Variants in GPR107 observed in about 807,000 individuals in gnomAD.
The protein encoded by GPR107 is G protein-coupled receptor 107.
A neutral mutation model predicts 75.5 loss-of-function variants in GPR107; 31 were observed. That is an observed-to-expected ratio of 0.41 (90% CI 0.31 to 0.55). The LOEUF (loss-of-function observed/expected upper bound fraction) is 0.55, where lower values mean the gene tolerates loss of function less well. GPR107 is among the 20% of genes least tolerant of loss of function. GPR107 has a pLI of 0.26. For synonymous variants in GPR107, 267 were observed against 251.3 expected, an observed-to-expected ratio of 1.06 and a Z score of -0.59; for missense variants, 572 against 665.7, an observed-to-expected ratio of 0.86 and a Z score of 1.55.
At chr9:130,087,483 A>G (rs555988755) in intron 7 of GPR107, among the ~76,000 whole-genome samples, 54 of 152,076 alleles carry the variant, frequency 3.6e-4, no homozygotes, top group African/African-American at 1.2e-3. Flanking sequence ...AGCCTGGGCA[A>G]CATGGTGAAA....
chr9:130,076,490 A>G (rs746972038), intron 3 of GPR107, 28 bp downstream of exon 3: 1 of 1,388,766 alleles, frequency 7.2e-7, no homozygotes, highest in South Asian at 1.2e-5. Flanking sequence ...GACCTGATTC[A>G]TCTCTTCACC....
At position 130,105,420 on chromosome 9, in the gene GPR107, AT is replaced by A. The variant is rs568675748; in HGVS notation, c.1262+878del. 8.2e-3 allele frequency among the ~76,000 whole-genome samples: 1,238 copies of A among 151,606 alleles called. 26 individuals carry two copies. Among genetic ancestry groups the A allele is most frequent in the African/African-American group, 0.029 (1,182 of 41,324 alleles). On this transcript the variant is annotated intron_variant, in intron 13 of 17. Transcript: ENST00000347136. ...AGGTGCGTGTCACCATGCCTGGCTA[AT>A]TTTTTTTGTATTTTTAGTAGAGACA...
rs1248349604 is a variant in GPR107 at position 130,085,691 on chromosome 9, A to G, written c.565-729A>G. ...CAGCATAATTACTTTGAGTTCATCC[A>G]CATTGTTGCATGTATCATTTCTTTT... is the stretch of plus-strand genomic sequence containing the variant. On this transcript the variant is annotated intron_variant, in intron 6 of 17. Transcript: ENST00000347136. Among the ~76,000 whole-genome samples, 9 of 141,546 alleles carry G rather than the reference A, an allele frequency of 6.4e-5. No individual in the cohort carries two copies. In the Admixed American group the frequency reaches 6.6e-4, roughly 10 times the overall value. The allele number at this position is 141,546 out of a possible 152,430, so 92.9% of individuals were successfully genotyped here. A position where few individuals can be genotyped will look rare whatever the true frequency, so the allele number is the denominator to read the frequency against.
intron 9 of GPR107, 41 bp downstream of exon 9, chr9:130,092,422 T>G (rs1246778556): frequency 6.4e-7 from 1 of 1,559,506 alleles, no homozygotes; most frequent in Non-Finnish European, 8.8e-7. Flanking sequence ...GTGTTGAGAT[T>G]TGAATAATGT....
intron 17 of GPR107, among the ~76,000 whole-genome samples, chr9:130,131,400 C>T (rs967250310): frequency 6.6e-6 from 1 of 152,096 alleles, no homozygotes; most frequent in Non-Finnish European, 1.5e-5. Flanking sequence ...TCTTCCTCTC[C>T]TTGAGTTCAC....
intron 1 of GPR107, among the ~76,000 whole-genome samples, chr9:130,065,975 T>TC (rs60723409): frequency 0.58 from 87,797 of 151,192 alleles, 25,588 homozygotes; most frequent in East Asian, 0.81. Context: ...ATTTATTCAC[T>TC]CCCCCCCAAA....
At chr9:130,095,924 G>A (rs578130908) in intron 9 of GPR107, among the ~76,000 whole-genome samples, 3 of 152,158 alleles carry the variant, frequency 2.0e-5, no homozygotes, top group East Asian at 1.9e-4. Context: ...AGCTGGAAAC[G>A]ACTAAGAGAT....
intron 14 of GPR107, among the ~76,000 whole-genome samples, chr9:130,116,002 T>C (rs779898601): frequency 6.6e-6 from 1 of 152,254 alleles, no homozygotes; most frequent in African/African-American, 2.4e-5. Flanking sequence ...GATTGCACTC[T>C]ATTCCTGTAA....
At chr9:130,131,183 G>C (rs1431911234) in intron 17 of GPR107, among the ~76,000 whole-genome samples, 1 of 152,190 alleles carries the variant, frequency 6.6e-6, no homozygotes, top group Non-Finnish European at 1.5e-5. Flanking sequence ...CTGCCAGGGA[G>C]GCTTTTGGGT....
chr9:130,115,560 A>T (rs1423354170), intron 14 of GPR107, among the ~76,000 whole-genome samples: 1 of 151,726 alleles, frequency 6.6e-6, no homozygotes, highest in Admixed American at 6.6e-5. Context: ...AGGCCAGGAG[A>T]TCGAGACCAT....
chr9:130,071,606 C>A (rs1478945391), intron 1 of GPR107, among the ~76,000 whole-genome samples: 1 of 151,998 alleles, frequency 6.6e-6, no homozygotes, highest in African/African-American at 2.4e-5. Flanking sequence ...TGGCACATAA[C>A]CTAGTTCTTG....
intron 1 of GPR107, among the ~76,000 whole-genome samples, chr9:130,060,088 A>C (rs1473735292): frequency 2.6e-5 from 4 of 151,532 alleles, no homozygotes; most frequent in Non-Finnish European, 4.4e-5. Context: ...GGGCGCACGG[A>C]GTCTCATCCT....
chr9:130,101,837 C>T (rs1170669528), intron 12 of GPR107, among the ~76,000 whole-genome samples: 3 of 152,188 alleles, frequency 2.0e-5, no homozygotes, highest in Non-Finnish European at 4.4e-5. Context: ...GACCAGACAG[C>T]GTCTGTTTGA....
At chr9:130,061,621 C>T (rs1829928180) in intron 1 of GPR107, among the ~76,000 whole-genome samples, 1 of 152,122 alleles carries the variant, frequency 6.6e-6, no homozygotes, top group African/African-American at 2.4e-5. Context: ...GAAGAAGTGA[C>T]ATTAAAGCTG....
intron 1 of GPR107, among the ~76,000 whole-genome samples, chr9:130,066,944 C>T (rs1476250883): frequency 6.6e-6 from 1 of 151,906 alleles, no homozygotes; most frequent in Admixed American, 6.6e-5. Flanking sequence ...CGAGATGGCG[C>T]CACTGCACTC....
chr9:130,066,907 A>T (rs930657040), intron 1 of GPR107, among the ~76,000 whole-genome samples: 6 of 151,902 alleles, frequency 3.9e-5, no homozygotes, highest in Non-Finnish European at 7.4e-5. Context: ...AATGGCGTGA[A>T]CCCAGGAGGC....
At chr9:130,093,969 C>T (rs1251622100) in intron 9 of GPR107, among the ~76,000 whole-genome samples, 1 of 152,180 alleles carries the variant, frequency 6.6e-6, no homozygotes, top group Non-Finnish European at 1.5e-5. Context: ...CATGTGCCAA[C>T]ATACCCAGCT....
chr9:130,054,327 C>T (rs1214568472), intron 1 of GPR107, among the ~76,000 whole-genome samples: 2 of 152,216 alleles, frequency 1.3e-5, no homozygotes, highest in Admixed American at 1.3e-4. Context: ...GCGTTGCCCC[C>T]ACGGACTCGG....
Position 130,103,180 on chromosome 9 carries a change from A to C in GPR107, c.1132-1240A>C, listed in dbSNP as rs1304203778. On this transcript the variant is annotated intron_variant, in intron 12 of 17. Transcript: ENST00000347136. This position sits in a 1 kb window ranked among gnomAD's most constrained non-coding sequence, Gnocchi z 4.3. ...AGTGTGGGACAGGGAAGGACCCAGA[A>C]GCTGGGGGTCATTGGAGAGGCTGAA... 6.6e-6 allele frequency among the ~76,000 whole-genome samples: 1 copy of C among 152,174 alleles called. No individual in the cohort carries two copies. Among genetic ancestry groups the C allele is most frequent in the African/African-American group, 2.4e-5 (1 of 41,430 alleles).
Sources: allele counts gnomAD v4.1 joint callset (sites outside exome capture counted in the v4.1 genomes callset), GRCh38; gene constraint gnomAD v4.1.1; non-coding constraint Gnocchi (gnomAD v3.1); transcripts MANE v1.5; gene names NCBI Gene and HGNC (gene_info 2026-07-23, HGNC 2026-07-21).